The following NR2E1 variants were observed in gnomAD, a reference collection of about 807,000 sequenced individuals.
The protein encoded by NR2E1 is nuclear receptor subfamily 2 group E member 1.
A neutral mutation model predicts 43.6 loss-of-function variants in NR2E1; 5 were observed. The observed-to-expected ratio is 0.11, with a 90% CI of 0.06 to 0.24. The LOEUF (loss-of-function observed/expected upper bound fraction) is 0.24. Ranked by LOEUF, NR2E1 falls within the 10% of genes least tolerant of loss-of-function variation. The probability of loss-of-function intolerance (pLI) is 1.00; values close to 1 mark genes in which losing one functional copy is unlikely to be tolerated. For synonymous variants in NR2E1, 191 were observed against 195.5 expected, an observed-to-expected ratio of 0.98 and a Z score of 0.19; for missense variants, 287 against 496.7, an observed-to-expected ratio of 0.58 and a Z score of 4.01.
chr6:108,176,338 C>T (rs1773896379), intron 3 of NR2E1, 165 bp from the exon 4 acceptor site: 1 of 644,294 alleles, frequency 1.6e-6, no homozygotes, highest in African/African-American at 1.8e-5. Context: ...TAGACGATCT[C>T]AGAATCCCTT....
In NR2E1 at chr6:108,187,355, A is replaced by G. The variant is rs528450653; in HGVS notation, c.1050A>G (p.Leu350=). The G allele has an allele frequency of 1.4e-5, 23 of 1,614,198 alleles. No individual in the cohort carries two copies. The Admixed American group carries it at 2.2e-4, about 15-fold the overall frequency. Residue 350 remains leucine (L), a synonymous_variant, in exon 9 of 9, where the codon TTA becomes TTG. Transcript: ENST00000368986. ...FGKLLLLLPA[L]RSISPSTIEE... ...AACTCCTGTTGCTTTTGCCAGCTTT[A>G]CGTTCTATTAGCCCATCAACTATAG...
At chr6:108,167,090 T>C (rs913566780) in intron 1 of NR2E1, among the ~76,000 whole-genome samples, 3 of 150,864 alleles carry the variant, frequency 2.0e-5, no homozygotes, top group African/African-American at 7.3e-5. Flanking sequence ...AGGTGCTGGA[T>C]GGGGGGGCCA....
Position 108,169,303 on chromosome 6 carries a change from G to A in NR2E1, c.26-2155G>A, listed in dbSNP as rs780470716. ...ACTCGCACTGGTGGTGGCCTAGAGGGCAACAGTCCGGAAGCTCGGGCGGGG... is the reference window on the plus strand; with the variant it reads ...ACTCGCACTGGTGGTGGCCTAGAGGACAACAGTCCGGAAGCTCGGGCGGGG... On this transcript the variant is annotated intron_variant, in intron 1 of 8. Coordinates refer to ENST00000368986, the MANE Select transcript of NR2E1 (RefSeq NM_003269.5). This position sits in a 1 kb window ranked among gnomAD's most constrained non-coding sequence, Gnocchi z 6.1. Among the ~76,000 whole-genome samples the A allele has an allele frequency of 2.3e-4, 35 of 152,200 alleles. No individual in the cohort carries two copies. Among genetic ancestry groups the A allele is most frequent in the Admixed American group, 3.9e-4 (6 of 15,290 alleles).
chr6:108,173,296 C>T (rs931458524), intron 2 of NR2E1, among the ~76,000 whole-genome samples: 1 of 152,152 alleles, frequency 6.6e-6, no homozygotes, highest in Admixed American at 6.5e-5. Context: ...TGGAAAGATA[C>T]CATCTGAGGA....
intron 3 of NR2E1, among the ~76,000 whole-genome samples, chr6:108,175,512 C>T (rs1562403840): frequency 6.6e-6 from 1 of 152,228 alleles, no homozygotes; most frequent in Non-Finnish European, 1.5e-5. Flanking sequence ...GGCAGGGTAA[C>T]GCCCGTGGGT....
At chr6:108,171,369 TC>T in intron 1 of NR2E1, 88 bp from the exon 2 acceptor site, 2 of 1,376,854 alleles carry the variant, frequency 1.5e-6, no homozygotes, top group Non-Finnish European at 1.0e-6. Context: ...GCTTAGCATC[TC>T]TCTCTCCCTC....
chr6:108,181,132 G>A (rs562327688), intron 7 of NR2E1, among the ~76,000 whole-genome samples, 176 bp downstream of exon 7: 4 of 152,052 alleles, frequency 2.6e-5, no homozygotes, highest in Admixed American at 2.6e-4. Context: ...GTTCTGCTGG[G>A]CATCAACTTC....
intron 8 of NR2E1, among the ~76,000 whole-genome samples, chr6:108,181,889 T>C (rs1733112268): frequency 6.6e-6 from 1 of 152,124 alleles, no homozygotes; most frequent in Non-Finnish European, 1.5e-5. Flanking sequence ...GCGGAACAAA[T>C]TGATCCATCA....
rs925155347 is a variant in NR2E1 at position 108,181,658 on chromosome 6, C to T, written c.995+7C>T. On this transcript the variant is annotated splice_region_variant and intron_variant, in intron 8 of 8. Coordinates refer to ENST00000368986, the MANE Select transcript of NR2E1 (RefSeq NM_003269.5). ...ACAGCTACATCCATACCAGGTGACC[C>T]TTGTTTGCCTTGAACATGTACTTAA... 10 of 1,610,096 alleles carry T rather than the reference C, an allele frequency of 6.2e-6. No individual in the cohort carries two copies. In the African/African-American group the frequency reaches 9.4e-5, roughly 15 times the overall value.
intron 1 of NR2E1, chr6:108,167,951 T>C: frequency 6.7e-7 from 1 of 1,487,098 alleles, no homozygotes; most frequent in Non-Finnish European, 9.0e-7. Flanking sequence ...AGGTTGTGTT[T>C]TCATTTTGTT....
chr6:108,186,721 A>G (rs981184517), intron 8 of NR2E1, among the ~76,000 whole-genome samples: 1 of 152,196 alleles, frequency 6.6e-6, no homozygotes, highest in African/African-American at 2.4e-5. Flanking sequence ...ATCTTTAATT[A>G]CATGCCAATT....
At chr6:108,171,349 A>G in intron 1 of NR2E1, 109 bp from the exon 2 acceptor site, 3 of 1,204,438 alleles carry the variant, frequency 2.5e-6, no homozygotes, top group Admixed American at 1.7e-5. Context: ...ATCCCTTCAG[A>G]GGTCAGATTG....
chr6:108,184,144 A>T (rs1774036938), intron 8 of NR2E1, among the ~76,000 whole-genome samples: 1 of 152,190 alleles, frequency 6.6e-6, no homozygotes, highest in African/African-American at 2.4e-5. Flanking sequence ...GTGAGCCGAG[A>T]TTGTGCCACT....
intron 8 of NR2E1, among the ~76,000 whole-genome samples, chr6:108,184,039 A>G (rs1024591217): frequency 6.6e-6 from 1 of 151,998 alleles, no homozygotes; most frequent in Non-Finnish European, 1.5e-5. Context: ...CAAAAATAGA[A>G]AAGTTAGCTG....
intron 4 of NR2E1, 85 bp from the exon 5 acceptor site, chr6:108,178,010 C>T (rs765013568): frequency 9.8e-6 from 14 of 1,434,310 alleles, no homozygotes; most frequent in Non-Finnish European, 1.4e-5. Context: ...CCCTTCCTTG[C>T]TTTAATTAGA....
At chr6:108,174,618 G>C (rs1341988954) in intron 2 of NR2E1, among the ~76,000 whole-genome samples, 1 of 152,130 alleles carries the variant, frequency 6.6e-6, no homozygotes, top group Non-Finnish European at 1.5e-5. Context: ...TGGGGTCCGG[G>C]ACTGGCCCTC....
rs977793822 is a variant in NR2E1, at chr6:108,181,652, G to C, written c.995+1G>C. 1 of 1,613,238 alleles carries C rather than the reference G, an allele frequency of 6.2e-7. No homozygotes were observed. Among genetic ancestry groups the C allele is most frequent in the Non-Finnish European group, 8.5e-7 (1 of 1,179,178 alleles). ...CGCTCAACAGCTACATCCATACCAG[G>C]TGACCCTTGTTTGCCTTGAACATGT... On this transcript the variant is annotated splice_donor_variant, in intron 8 of 8. Coordinates refer to ENST00000368986, the MANE Select transcript of NR2E1 (RefSeq NM_003269.5). LOFTEE classifies it high-confidence loss of function.
intron 2 of NR2E1, among the ~76,000 whole-genome samples, chr6:108,172,393 T>C (rs2114672905): frequency 6.6e-6 from 1 of 152,310 alleles, no homozygotes; most frequent in East Asian, 1.9e-4. Context: ...GGCAGAACTG[T>C]CTCAAAGAGA....
At chr6:108,175,346 G>A (rs1484161341) in intron 3 of NR2E1, among the ~76,000 whole-genome samples, 1 of 152,240 alleles carries the variant, frequency 6.6e-6, no homozygotes, top group Non-Finnish European at 1.5e-5. Context: ...GGAAGTTCGC[G>A]GTGTGTTGAA....
Sources: gnomAD v4.1 joint callset for allele counts (sites outside exome capture counted in the v4.1 genomes callset) on GRCh38, gnomAD v4.1.1 for gene constraint, Gnocchi (gnomAD v3.1) non-coding constraint, MANE v1.5 for transcripts, NCBI Gene and HGNC (gene_info 2026-07-23, HGNC 2026-07-21) for gene names.